RBFOX1: variants seen among roughly 807,000 people sequenced by gnomAD.
RBFOX1 encodes RNA binding protein fox-1 homolog 1.
Under a neutral mutation model 57.7 loss-of-function variants are expected in RBFOX1, and 8 were observed. The ratio of observed to expected loss-of-function variants is 0.14; its 90% confidence interval spans 0.08 to 0.25. RBFOX1 has a LOEUF of 0.25. Ranked by LOEUF, RBFOX1 falls within the 10% of genes least tolerant of loss-of-function variation. The probability of loss-of-function intolerance (pLI) is 1.00; values close to 1 mark genes in which losing one functional copy is unlikely to be tolerated. For missense variants in RBFOX1, 611 were observed against 548.5 expected, an observed-to-expected ratio of 1.11 and a Z score of -1.14; for synonymous variants, 326 against 222.4, an observed-to-expected ratio of 1.47 and a Z score of -4.15.
intron 4 of RBFOX1, among the ~76,000 whole-genome samples, chr16:5,897,617 G>A (rs903847768): frequency 4.6e-5 from 7 of 152,136 alleles, no homozygotes; most frequent in African/African-American, 1.4e-4. Flanking sequence ...CAGCACCTGG[G>A]AAACCAAGGC....
chr16:5,557,976 G>A (rs1293785022), intron 2 of RBFOX1, among the ~76,000 whole-genome samples: 4 of 152,114 alleles, frequency 2.6e-5, no homozygotes, highest in African/African-American at 4.8e-5. Flanking sequence ...GGATGCCAAG[G>A]GGAGTTCAGC....
chr16:7,168,549 A>C (rs935996956), intron 4 of RBFOX1, among the ~76,000 whole-genome samples: 1 of 152,116 alleles, frequency 6.6e-6, no homozygotes, highest in Admixed American at 6.5e-5. Flanking sequence ...GTTGCAGAAA[A>C]ATGGCCACAC....
chr16:6,374,013 G>A (rs140573473), intron 2 of RBFOX1, among the ~76,000 whole-genome samples: 3 of 152,274 alleles, frequency 2.0e-5, no homozygotes, highest in East Asian at 1.9e-4. Context: ...TCAGCTTGGC[G>A]TAAATACAGA....
chr16:6,498,848 A>G (rs560403949), intron 2 of RBFOX1, among the ~76,000 whole-genome samples: 4 of 152,308 alleles, frequency 2.6e-5, no homozygotes, highest in African/African-American at 9.6e-5. Flanking sequence ...ATGCATGGTA[A>G]AAGCCATGGC....
At chr16:5,680,101 A>G (rs1295940431) in intron 3 of RBFOX1, among the ~76,000 whole-genome samples, 2 of 152,248 alleles carry the variant, frequency 1.3e-5, no homozygotes, top group Non-Finnish European at 2.9e-5. Flanking sequence ...CAAAGGCGTC[A>G]GAAGAGGGAC....
chr16:5,726,196 A>G (rs566127729), intron 3 of RBFOX1, among the ~76,000 whole-genome samples: 2 of 151,956 alleles, frequency 1.3e-5, no homozygotes, highest in South Asian at 4.2e-4. Context: ...TTGCGAATCA[A>G]TCAGTTTTGT....
At chr16:6,669,348 T>C (rs776124065) in intron 3 of RBFOX1, among the ~76,000 whole-genome samples, 1 of 152,348 alleles carries the variant, frequency 6.6e-6, no homozygotes, top group Non-Finnish European at 1.5e-5. Flanking sequence ...CAAGGCTTTT[T>C]GGGCAATTCT....
chr16:6,085,394 T>A (rs60509697), intron 1 of RBFOX1, among the ~76,000 whole-genome samples: 2,372 of 152,286 alleles, frequency 0.016, 58 homozygotes, highest in African/African-American at 0.054. Context: ...TGCCTCAGCC[T>A]CCCGAGTAGC....
At chr16:6,675,350 G>C (rs986834202) in intron 3 of RBFOX1, among the ~76,000 whole-genome samples, 1 of 152,172 alleles carries the variant, frequency 6.6e-6, no homozygotes, top group Admixed American at 6.5e-5. Context: ...CATCAGAAGT[G>C]TATCTGTCCC....
At chr16:7,172,824 C>T (rs990287593) in intron 4 of RBFOX1, among the ~76,000 whole-genome samples, 6 of 152,078 alleles carry the variant, frequency 3.9e-5, no homozygotes, top group Non-Finnish European at 7.4e-5. Context: ...TGGCAGAGTG[C>T]CTTCTGAAGT....
intron 4 of RBFOX1, chr16:7,332,982 A>T: frequency 6.2e-7 from 1 of 1,613,368 alleles, no homozygotes; most frequent in East Asian, 2.2e-5. Context: ...TTCAGAGGGA[A>T]TAATAACTCT....
chr16:5,554,041 C>T (rs2045576214), intron 2 of RBFOX1, among the ~76,000 whole-genome samples: 1 of 150,618 alleles, frequency 6.6e-6, no homozygotes, highest in Non-Finnish European at 1.5e-5. Context: ...GTGATCTCAG[C>T]TCACTGCAAC....
At chr16:6,007,075 A>T (rs2094932045) in intron 4 of RBFOX1, among the ~76,000 whole-genome samples, 1 of 152,166 alleles carries the variant, frequency 6.6e-6, no homozygotes, top group Non-Finnish European at 1.5e-5. Context: ...TCTCACTGGA[A>T]CCAAGCTTTC....
At chr16:7,135,998 G>C (rs2071832844) in intron 4 of RBFOX1, among the ~76,000 whole-genome samples, 1 of 152,206 alleles carries the variant, frequency 6.6e-6, no homozygotes, top group South Asian at 2.1e-4. Flanking sequence ...TGCTCTTCCT[G>C]TAAAGCACAG....
chr16:7,468,803 C>T (rs2061004809), intron 4 of RBFOX1, among the ~76,000 whole-genome samples: 1 of 152,082 alleles, frequency 6.6e-6, no homozygotes, highest in Admixed American at 6.5e-5. Context: ...AGAGCAAACT[C>T]TTTCTTTTGG....
At chr16:7,489,060 C>G (rs1337387788) in intron 4 of RBFOX1, among the ~76,000 whole-genome samples, 1 of 152,154 alleles carries the variant, frequency 6.6e-6, no homozygotes, top group East Asian at 1.9e-4. Context: ...TGCTGTGAAT[C>G]TCAGCGTGTC....
Position 7,586,421 on chromosome 16 carries a change from C to T in RBFOX1, c.415-826C>T, listed in dbSNP as rs1827981. Among the ~76,000 whole-genome samples, 493 of 152,290 alleles carry T rather than the reference C, an allele frequency of 3.2e-3. 3 individuals carry two copies. Among genetic ancestry groups the T allele is most frequent in the African/African-American group, 0.011 (470 of 41,560 alleles). On this transcript the variant is annotated intron_variant, in intron 6 of 15. Transcript: ENST00000550418. ...GCTTGATGTACATTTCTCACTGGGA[C>T]TTCCAGATTTCACAAATTTAAAAAA...
chr16:6,695,370 T>G (rs1390461414), intron 3 of RBFOX1, among the ~76,000 whole-genome samples: 1 of 133,792 alleles, frequency 7.5e-6, no homozygotes, highest in Non-Finnish European at 1.5e-5. Flanking sequence ...TACCTGAGAT[T>G]GCGCCGCTTC....
chr16:6,549,168 A>G (rs1269690258), intron 2 of RBFOX1, among the ~76,000 whole-genome samples: 1 of 6,692 alleles, frequency 1.5e-4, no homozygotes, highest in Non-Finnish European at 2.7e-4. Context: ...GGGGGGAAGG[A>G]GGAGGAGGGG....
Sources: gnomAD v4.1 joint callset for allele counts (sites outside exome capture counted in the v4.1 genomes callset) on GRCh38, gnomAD v4.1.1 for gene constraint, MANE v1.5 for transcripts, NCBI Gene and HGNC (gene_info 2026-07-23, HGNC 2026-07-21) for gene names.